Variants in NEGR1 observed in about 807,000 individuals in gnomAD.
NEGR1 encodes neuronal growth regulator 1.
NEGR1 carries 10 observed loss-of-function variants against 40.9 expected under a neutral mutation model. The ratio of observed to expected loss-of-function variants is 0.24; its 90% CI spans 0.15 to 0.42. NEGR1 has a LOEUF of 0.42. Among genes scored for constraint, NEGR1 ranks in the 10% least tolerant of loss-of-function variants. NEGR1 has a pLI of 1.00. For synonymous variants in NEGR1, 185 were observed against 166.8 expected (o/e 1.11, Z -0.84); for missense variants, 352 against 438.9 (o/e 0.80, Z 1.77).
At chr1:71,562,227 T>C (rs1354738709) in intron 6 of NEGR1, among the ~76,000 whole-genome samples, 1 of 151,824 alleles carries the variant, frequency 6.6e-6, no homozygotes, top group African/African-American at 2.4e-5. Flanking sequence ...AAATAAACTT[T>C]CTTAGTAGAA....
intron 1 of NEGR1, among the ~76,000 whole-genome samples, chr1:72,129,900 C>G (rs1299136725): frequency 6.6e-6 from 1 of 152,084 alleles, no homozygotes; most frequent in African/African-American, 2.4e-5. Flanking sequence ...CTGTTAATAA[C>G]CTGTACTAAT....
At chr1:71,985,225 G>A (rs538077372) in intron 1 of NEGR1, among the ~76,000 whole-genome samples, 29 of 152,162 alleles carry the variant, frequency 1.9e-4, no homozygotes, top group South Asian at 6.2e-4. Flanking sequence ...AAAAGCAGCC[G>A]GAAGTATAGC....
chr1:71,558,076 T>C (rs918845111), intron 6 of NEGR1, among the ~76,000 whole-genome samples: 1 of 151,556 alleles, frequency 6.6e-6, no homozygotes, highest in Admixed American at 6.6e-5. Flanking sequence ...ATATTAAGGA[T>C]AGATTACATT....
At chr1:71,872,553 G>T (rs1482902140) in intron 2 of NEGR1, among the ~76,000 whole-genome samples, 1 of 152,140 alleles carries the variant, frequency 6.6e-6, no homozygotes, top group African/African-American at 2.4e-5. Context: ...TGGCTTCTCT[G>T]TCAGCCTGCA....
intron 1 of NEGR1, among the ~76,000 whole-genome samples, chr1:72,080,046 T>C (rs1223999196): frequency 6.6e-6 from 1 of 152,090 alleles, no homozygotes; most frequent in Non-Finnish European, 1.5e-5. Context: ...TTGAAATACT[T>C]TATTTAGCAG....
chr1:71,573,063 A>G (rs1171978482), intron 6 of NEGR1, among the ~76,000 whole-genome samples: 1 of 152,198 alleles, frequency 6.6e-6, no homozygotes, highest in East Asian at 1.9e-4. Flanking sequence ...CCCACATACA[A>G]AATTACATGA....
chr1:71,760,807 A>G (rs1655916074), intron 3 of NEGR1, among the ~76,000 whole-genome samples: 1 of 152,206 alleles, frequency 6.6e-6, no homozygotes, highest in Admixed American at 6.5e-5. Context: ...ACATGTACAC[A>G]GTCTGTTCAT....
chr1:72,140,064 T>A (rs1650613254), intron 1 of NEGR1, among the ~76,000 whole-genome samples: 1 of 152,068 alleles, frequency 6.6e-6, no homozygotes, highest in South Asian at 2.1e-4. Flanking sequence ...CAGGTCATTT[T>A]GAGAGAACAC....
chr1:72,136,370 T>C (rs900374231), intron 1 of NEGR1, among the ~76,000 whole-genome samples: 2 of 151,934 alleles, frequency 1.3e-5, no homozygotes, highest in Non-Finnish European at 2.9e-5. Flanking sequence ...GATCAATGTC[T>C]TGAAGACACA....
intron 1 of NEGR1, among the ~76,000 whole-genome samples, chr1:72,023,013 T>C (rs553335291): frequency 2.1e-4 from 32 of 152,184 alleles, no homozygotes; most frequent in Non-Finnish European, 4.0e-4. Flanking sequence ...AATCACTGCA[T>C]TTCAGTGAAT....
intron 6 of NEGR1, among the ~76,000 whole-genome samples, chr1:71,513,870 C>T (rs1054788431): frequency 6.7e-6 from 1 of 148,814 alleles, no homozygotes; most frequent in Non-Finnish European, 1.5e-5. Context: ...TGTGTGCGCA[C>T]CGTGCGCGAG....
chr1:71,766,046 C>T (rs1032649760), intron 3 of NEGR1, among the ~76,000 whole-genome samples: 8 of 151,964 alleles, frequency 5.3e-5, no homozygotes, highest in East Asian at 1.9e-4. Context: ...TGGTGGCATG[C>T]GCCTGTAATC....
intron 1 of NEGR1, among the ~76,000 whole-genome samples, chr1:72,132,183 G>A (rs1358111993): frequency 1.3e-5 from 2 of 152,154 alleles, no homozygotes; most frequent in African/African-American, 2.4e-5. Flanking sequence ...CAACTGGAAC[G>A]GTAAACTAAT....
chr1:71,885,742 T>C (rs1303765387), intron 2 of NEGR1, among the ~76,000 whole-genome samples: 2 of 152,184 alleles, frequency 1.3e-5, no homozygotes, highest in Admixed American at 6.5e-5. Flanking sequence ...TCCTTGATTA[T>C]ACACATCAGC....
chr1:71,853,128 T>G (rs1659659397), intron 2 of NEGR1, among the ~76,000 whole-genome samples: 1 of 151,904 alleles, frequency 6.6e-6, no homozygotes, highest in African/African-American at 2.4e-5. Context: ...TGGAATATTA[T>G]ATTCTTATAT....
At chr1:71,574,957 A>C (rs1280805541) in intron 6 of NEGR1, among the ~76,000 whole-genome samples, 1 of 152,184 alleles carries the variant, frequency 6.6e-6, no homozygotes, top group Non-Finnish European at 1.5e-5. Flanking sequence ...AGACATCTTT[A>C]GGAGAACAAC....
intron 1 of NEGR1, among the ~76,000 whole-genome samples, chr1:72,048,438 T>TTTTTTTTTTTTTTTTTTTTTTTTTTG (rs1553134077): frequency 2.6e-5 from 4 of 151,058 alleles, no homozygotes; most frequent in African/African-American, 9.7e-5. Flanking sequence ...TCTTGTTCTT[T>TTTTTTTTTTTTTTTTTTTTTTTTTTG]AAACAGGTTT....
chr1:71,565,232 C>T (rs926173623), intron 6 of NEGR1, among the ~76,000 whole-genome samples: 5 of 152,052 alleles, frequency 3.3e-5, no homozygotes, highest in African/African-American at 1.2e-4. Flanking sequence ...TTACTGAGAT[C>T]CTACTTGACT....
intron 2 of NEGR1, among the ~76,000 whole-genome samples, chr1:71,864,086 T>C (rs1660040593): frequency 6.6e-6 from 1 of 152,104 alleles, no homozygotes. Context: ...GTAAATTATA[T>C]TTTCTCCCTT....
Sources: gnomAD v4.1 joint callset for allele counts (sites outside exome capture counted in the v4.1 genomes callset) on GRCh38, gnomAD v4.1.1 for gene constraint, MANE v1.5 for transcripts, NCBI Gene and HGNC (gene_info 2026-07-23, HGNC 2026-07-21) for gene names.